Variants in SHANK2 observed in about 807,000 individuals in gnomAD.
SHANK2 encodes SH3 and multiple ankyrin repeat domains protein 2.
SHANK2 carries 43 observed loss-of-function variants against 133.7 expected under a neutral mutation model. The ratio of observed to expected loss-of-function variants is 0.32; its 90% CI spans 0.25 to 0.41. The LOEUF is 0.41. Among genes scored for constraint, SHANK2 ranks in the 10% least tolerant of loss-of-function variants. SHANK2 has a pLI of 1.00. For missense variants in SHANK2, 1,994 were observed against 2,235.8 expected (o/e 0.89, Z 2.18); for synonymous variants, 1,017 against 952.8 (o/e 1.07, Z -1.24).
chr11:71,177,086 C>T (rs1387055834), intron 2 of SHANK2, among the ~76,000 whole-genome samples: 5 of 152,064 alleles, frequency 3.3e-5, no homozygotes, highest in Non-Finnish European at 7.4e-5. Flanking sequence ...AAAAGTCAAA[C>T]TAGAATTCTA....
intron 6 of SHANK2, among the ~76,000 whole-genome samples, chr11:71,108,039 T>C (rs571027911): frequency 6.6e-6 from 1 of 152,206 alleles, no homozygotes; most frequent in South Asian, 2.1e-4. Flanking sequence ...TCTGCCAGGG[T>C]GGTGAGAGCC....
At chr11:70,611,044 A>G (rs1351674049) in intron 17 of SHANK2, among the ~76,000 whole-genome samples, 1 of 152,216 alleles carries the variant, frequency 6.6e-6, no homozygotes, top group Non-Finnish European at 1.5e-5. Context: ...CTGAACCTAG[A>G]GCCATAGTGA....
intron 17 of SHANK2, among the ~76,000 whole-genome samples, chr11:70,611,095 A>C (rs554429026): frequency 6.6e-6 from 1 of 152,354 alleles, no homozygotes; most frequent in South Asian, 2.1e-4. Flanking sequence ...CCACAACCCA[A>C]GAATTGCCTT....
chr11:70,631,914 G>C (rs1348415142), intron 17 of SHANK2: 2 of 152,230 alleles, frequency 1.3e-5, no homozygotes, highest in African/African-American at 4.8e-5. Context: ...CTCAGAGAAG[G>C]AAAGCAGTTG....
In SHANK2 at chr11:70,569,747, A is replaced by G. The variant is rs373445758; in HGVS notation, c.2062-66816T>C. 1.6e-3 allele frequency among the ~76,000 whole-genome samples: 236 copies of G among 151,846 alleles called. 5 individuals carry two copies. The South Asian group carries it at 0.048, about 31-fold the overall frequency. On this transcript the variant is annotated intron_variant, in intron 17 of 25. Transcript: ENST00000601538. This position sits in a 1 kb window ranked among gnomAD's most constrained non-coding sequence, Gnocchi z 5.1. ...CTGCCTGGGTTTTTCCTCTACATCT[A>G]CTGGGGAAGATGCTCTCCTGTCCCT...
intron 11 of SHANK2, among the ~76,000 whole-genome samples, chr11:70,881,731 A>C (rs575273350): frequency 0.22 from 936 of 4,296 alleles, 6 homozygotes; most frequent in African/African-American, 0.25. Context: ...TTTGGCTTTA[A>C]TTTTATTTTT....
chr11:70,746,261 T>TA (rs1946634884), intron 14 of SHANK2, among the ~76,000 whole-genome samples: 1 of 152,064 alleles, frequency 6.6e-6, no homozygotes, highest in South Asian at 2.1e-4. Context: ...CTCCCGCCTC[T>TA]CCAGGACAGG....
Position 70,468,572 on chromosome 11 carries a change from T to C in SHANK2, c.*4297A>G, listed in dbSNP as rs2058560955. 6.6e-6 allele frequency: 1 copy of C among 152,100 alleles called. No homozygotes were observed. Among genetic ancestry groups the C allele is most frequent in the Non-Finnish European group, 1.5e-5 (1 of 68,010 alleles). 9.4% of individuals were successfully genotyped at this position (152,100 alleles called of 1,614,324 possible). A position where few individuals can be genotyped will look rare whatever the true frequency, so the allele number is the denominator to read the frequency against. The stretch of plus-strand genomic sequence containing the variant: ...CTCCAATTTCAAGTAAAAGAAAAAA[T>C]CTTCCAATAATTTTCCTAGTAAGGT... On this transcript the variant is annotated 3_prime_UTR_variant, in exon 26 of 26. Coordinates refer to ENST00000601538, the MANE Select transcript of SHANK2 (RefSeq NM_012309.5).
rs1951268808 is a variant in SHANK2 at position 71,079,777 on chromosome 11, A to T, written c.913-4502T>A. On this transcript the variant is annotated intron_variant, in intron 8 of 25. Transcript: ENST00000601538. ...TCCGAGAAAAGAGAGAAAGAAAGAG[A>T]GAGTAAGAAAGAGAGAGAAGAGAGA... Among the ~76,000 whole-genome samples the T allele has an allele frequency of 6.8e-5, 10 of 146,102 alleles. No homozygotes were observed. In the South Asian group the frequency reaches 2.3e-3, roughly 34 times the overall value.
intron 17 of SHANK2, among the ~76,000 whole-genome samples, chr11:70,637,010 A>G (rs1555004508): frequency 6.6e-6 from 1 of 151,634 alleles, no homozygotes; most frequent in African/African-American, 2.4e-5. Context: ...GAAGTCTAAG[A>G]TCAAGGGGTA....
chr11:71,240,925 A>G (rs536000457), intron 1 of SHANK2: 1 of 152,390 alleles, frequency 6.6e-6, no homozygotes, highest in East Asian at 1.9e-4. Flanking sequence ...GCAGCTTTCT[A>G]TGAATCAGAG....
Position 70,500,839 on chromosome 11 carries a change from A to G in SHANK2, c.2288-249T>C. The G allele has an allele frequency of 1.4e-6, 1 of 713,566 alleles. No individual in the cohort carries two copies. Among genetic ancestry groups the G allele is most frequent in the East Asian group, 2.7e-5 (1 of 36,964 alleles). 44.2% of individuals were successfully genotyped at this position (713,566 alleles called of 1,614,324 possible). ...TCGTTAACCTACTGCCTGGCAGTGG[A>G]AAGGGGCTTTCCTTCTTCCTCAGCA... On this transcript the variant is annotated intron_variant, in intron 20 of 25. Coordinates refer to ENST00000601538, the MANE Select transcript of SHANK2 (RefSeq NM_012309.5). The surrounding 1 kb of genome is among the most constrained non-coding windows in gnomAD (Gnocchi z 4.5).
chr11:71,222,116 G>A (rs943746293), intron 2 of SHANK2, among the ~76,000 whole-genome samples: 22 of 151,374 alleles, frequency 1.5e-4, no homozygotes, highest in Non-Finnish European at 1.2e-4. Flanking sequence ...TCCCCAAGAG[G>A]AAAACCCCAC....
chr11:70,729,307 C>G (rs1305934876), intron 14 of SHANK2, among the ~76,000 whole-genome samples: 1 of 150,600 alleles, frequency 6.6e-6, no homozygotes, highest in African/African-American at 2.5e-5. Context: ...ACACCAAGGG[C>G]TCTATCTACA....
intron 2 of SHANK2, among the ~76,000 whole-genome samples, chr11:71,207,663 G>C (rs1565514963): frequency 6.6e-6 from 1 of 152,182 alleles, no homozygotes; most frequent in Non-Finnish European, 1.5e-5. Context: ...GTTTAACCAA[G>C]AAGCAAAAAC....
At chr11:71,124,012 T>C (rs1205183594) in intron 3 of SHANK2, among the ~76,000 whole-genome samples, 1 of 151,556 alleles carries the variant, frequency 6.6e-6, no homozygotes, top group Non-Finnish European at 1.5e-5. Context: ...ATGAGGGTGG[T>C]TGTAATGGTG....
intron 8 of SHANK2, among the ~76,000 whole-genome samples, chr11:71,086,307 A>G (rs1391111325): frequency 2.6e-5 from 3 of 117,280 alleles, no homozygotes; most frequent in African/African-American, 1.1e-4. Context: ...ATGTTATATA[A>G]GATATAGTAT....
chr11:70,472,714 G>T lies in SHANK2; in HGVS notation c.*155C>A. 1 of 774,874 alleles carries T rather than the reference G, an allele frequency of 1.3e-6. No individual in the cohort carries two copies. Among genetic ancestry groups the T allele is most frequent in the Non-Finnish European group, 2.2e-6 (1 of 450,984 alleles). The allele number at this position is 774,874 out of a possible 1,614,324, so 48.0% of individuals were successfully genotyped here. A position where few individuals can be genotyped will look rare whatever the true frequency, so the allele number is the denominator to read the frequency against. On this transcript the variant is annotated 3_prime_UTR_variant, in exon 26 of 26. Transcript: ENST00000601538. The surrounding 1 kb of genome is among the most constrained non-coding windows in gnomAD (Gnocchi z 4.4). ...GCCAGGGGTCTGAAGACCCAGCCAT[G>T]TTGTGGACACAACTCAGTATTTCTT...
chr11:70,935,873 C>G (rs11604375), intron 10 of SHANK2, among the ~76,000 whole-genome samples: 20,520 of 152,196 alleles, frequency 0.13, 1,770 homozygotes, highest in Middle Eastern at 0.29. Flanking sequence ...ACACCGCCCC[C>G]GCAAAGGTGA....
Sources: allele counts gnomAD v4.1 joint callset (sites outside exome capture counted in the v4.1 genomes callset), GRCh38; gene constraint gnomAD v4.1.1; non-coding constraint Gnocchi (gnomAD v3.1); transcripts MANE v1.5; gene names NCBI Gene and HGNC (gene_info 2026-07-23, HGNC 2026-07-21).